CPO: variants seen among roughly 807,000 people sequenced by gnomAD.
CPO encodes the protein metallocarboxypeptidase C.
In CPO, 43 loss-of-function variants were observed where a neutral mutation model predicts 41.2. That is an observed-to-expected ratio of 1.04 (90% CI 0.82 to 1.35). CPO has a LOEUF of 1.35. Ranked by LOEUF, CPO falls within the 40% of genes most tolerant of loss-of-function variation. The probability of loss-of-function intolerance (pLI) is 0.00; values close to 1 mark genes in which losing one functional copy is unlikely to be tolerated. For missense variants in CPO, 408 were observed against 451.7 expected, an observed-to-expected ratio of 0.90 and a Z score of 0.88; for synonymous variants, 178 against 162.7, an observed-to-expected ratio of 1.09 and a Z score of -0.72.
chr2:206,964,554 G>T (rs1693537992), intron 7 of CPO, among the ~76,000 whole-genome samples: 1 of 152,132 alleles, frequency 6.6e-6, no homozygotes, highest in South Asian at 2.1e-4. Context: ...CCACTACCTC[G>T]CACGCCTCTC....
At chr2:206,942,531 AT>A (rs1183109543) in intron 1 of CPO, among the ~76,000 whole-genome samples, 2 of 152,072 alleles carry the variant, frequency 1.3e-5, no homozygotes, top group African/African-American at 4.8e-5. Flanking sequence ...ATTCATTAGG[AT>A]TTTTTTGCCT....
chr2:206,951,268 C>T (rs1693256866), intron 2 of CPO, among the ~76,000 whole-genome samples: 1 of 152,038 alleles, frequency 6.6e-6, no homozygotes, highest in Non-Finnish European at 1.5e-5. Context: ...TGTAGCTTCC[C>T]CTCCAAAAAA....
chr2:206,940,563 T>C (rs112083579), intron 1 of CPO, among the ~76,000 whole-genome samples: 53 of 152,196 alleles, frequency 3.5e-4, no homozygotes, highest in African/African-American at 1.2e-3. Flanking sequence ...TTGCCCATTT[T>C]TGTGGTCTCT....
intron 7 of CPO, among the ~76,000 whole-genome samples, chr2:206,963,028 A>G (rs760152388): frequency 2.6e-5 from 4 of 152,242 alleles, no homozygotes; most frequent in Non-Finnish European, 5.9e-5. Context: ...TAACATGGCT[A>G]AATAATATCT....
chr2:206,940,565 G>A (rs1164258625), intron 1 of CPO, among the ~76,000 whole-genome samples: 1 of 151,704 alleles, frequency 6.6e-6, no homozygotes, highest in African/African-American at 2.4e-5. Flanking sequence ...GCCCATTTTT[G>A]TGGTCTCTCC....
chr2:206,942,446 A>G (rs1284329925), intron 1 of CPO, among the ~76,000 whole-genome samples: 1 of 152,146 alleles, frequency 6.6e-6, no homozygotes, highest in African/African-American at 2.4e-5. Flanking sequence ...TAAAGTTTGA[A>G]AATACAGAAC....
chr2:206,957,254 T>A (rs1693385260), intron 3 of CPO, among the ~76,000 whole-genome samples: 1 of 151,972 alleles, frequency 6.6e-6, no homozygotes, highest in Non-Finnish European at 1.5e-5. Context: ...CATGTGCCTG[T>A]AGTCCCAGCT....
intron 1 of CPO, among the ~76,000 whole-genome samples, chr2:206,943,605 G>GGA (rs1553510258): frequency 7.8e-6 from 1 of 128,650 alleles, no homozygotes; most frequent in African/African-American, 2.6e-5. Flanking sequence ...AAGTCTTCAG[G>GGA]AAAAAAAAAA....
chr2:206,940,324 A>G (rs557401008), intron 1 of CPO, among the ~76,000 whole-genome samples: 2 of 152,088 alleles, frequency 1.3e-5, no homozygotes, highest in South Asian at 4.1e-4. Flanking sequence ...TTACTGGGTC[A>G]GTAACTGAGG....
At chr2:206,957,921 C>T (rs575102336) in intron 3 of CPO, among the ~76,000 whole-genome samples, 14 of 152,232 alleles carry the variant, frequency 9.2e-5, no homozygotes, top group African/African-American at 2.6e-4. Flanking sequence ...TGCACTTCAC[C>T]GCTCTAAGTG....
chr2:206,959,947 A>C (rs1392250570), intron 5 of CPO, among the ~76,000 whole-genome samples: 2 of 152,198 alleles, frequency 1.3e-5, no homozygotes, highest in Non-Finnish European at 2.9e-5. Flanking sequence ...AGGCCTTTTT[A>C]GAGTTGAAGT....
chr2:206,942,453 GAACT>G (rs1407463511), intron 1 of CPO, among the ~76,000 whole-genome samples: 2 of 151,964 alleles, frequency 1.3e-5, no homozygotes, highest in African/African-American at 4.8e-5. Context: ...TGAAAATACA[GAACT>G]ATCATGAAAT....
intron 6 of CPO, among the ~76,000 whole-genome samples, chr2:206,961,569 G>A (rs1489940731): frequency 2.0e-5 from 3 of 152,146 alleles, no homozygotes; most frequent in Non-Finnish European, 2.9e-5. Flanking sequence ...TGCTACATGG[G>A]AAGTGTTGGG....
At position 206,941,206 on chromosome 2, in the gene CPO, T is replaced by C. The variant is rs373916778; in HGVS notation, c.68+1539T>C. ...TACAACTTTATTTATAATATATATA[T>C]TCTAATATTTGGAAACAACTTGAAT... is the stretch of plus-strand genomic sequence containing the variant. On this transcript the variant is annotated intron_variant, in intron 1 of 8. Transcript: ENST00000272852. Among the ~76,000 whole-genome samples, 10 of 151,910 alleles carry C rather than the reference T, an allele frequency of 6.6e-5. No individual in the cohort carries two copies. The South Asian group carries it at 8.3e-4, about 13-fold the overall frequency.
intron 1 of CPO, among the ~76,000 whole-genome samples, chr2:206,946,177 G>GAA (rs199994704): frequency 6.6e-6 from 1 of 150,418 alleles, no homozygotes; most frequent in African/African-American, 2.4e-5. Flanking sequence ...AGAATTAAAA[G>GAA]AAAAAAAAAT....
At chr2:206,941,589 C>T (rs112338647) in intron 1 of CPO, among the ~76,000 whole-genome samples, 3 of 152,218 alleles carry the variant, frequency 2.0e-5, no homozygotes, top group African/African-American at 7.2e-5. Flanking sequence ...TCAGATGAGA[C>T]AGCTTCCATT....
At chr2:206,961,841 C>T (rs753645477) in intron 6 of CPO, among the ~76,000 whole-genome samples, 7 of 151,870 alleles carry the variant, frequency 4.6e-5, no homozygotes, top group Non-Finnish European at 1.0e-4. Flanking sequence ...CCTGTAATCC[C>T]AGCACTTTGG....
chr2:206,947,384 C>A (rs1693165854), intron 1 of CPO, among the ~76,000 whole-genome samples: 1 of 152,106 alleles, frequency 6.6e-6, no homozygotes, highest in African/African-American at 2.4e-5. Flanking sequence ...AGACATCGCA[C>A]CTTCACAAAT....
intron 2 of CPO, among the ~76,000 whole-genome samples, chr2:206,951,540 C>CT (rs1198409235): frequency 6.6e-6 from 1 of 152,136 alleles, no homozygotes; most frequent in Non-Finnish European, 1.5e-5. Context: ...ATTTTCCAGA[C>CT]TTTTTTTCAA....
Sources: allele counts gnomAD v4.1 joint callset (sites outside exome capture counted in the v4.1 genomes callset), GRCh38; gene constraint gnomAD v4.1.1; transcripts MANE v1.5; gene names NCBI Gene and HGNC (gene_info 2026-07-23, HGNC 2026-07-21).